The following SNX24 variants were observed in gnomAD, a reference collection of about 807,000 sequenced individuals.
The protein encoded by SNX24 is sorting nexin 24.
A neutral mutation model predicts 28.7 loss-of-function variants in SNX24; 22 were observed. The observed-to-expected ratio is 0.77, with a 90% CI of 0.55 to 1.10. SNX24 has a LOEUF of 1.10. SNX24 is among the 50% of genes least tolerant of loss of function. The probability of loss-of-function intolerance (pLI) is 0.00; values close to 1 mark genes in which losing one functional copy is unlikely to be tolerated. For missense variants in SNX24, 221 were observed against 201.1 expected (o/e 1.10, Z -0.60); for synonymous variants, 69 against 71.5 (o/e 0.96, Z 0.18).
chr5:122,917,910 C>G (rs1758251338), intron 1 of SNX24, among the ~76,000 whole-genome samples: 1 of 151,932 alleles, frequency 6.6e-6, no homozygotes, highest in Non-Finnish European at 1.5e-5. Context: ...GAAACCCCGT[C>G]TCTACTAAAA....
chr5:122,923,771 A>G (rs976294719), intron 1 of SNX24, among the ~76,000 whole-genome samples: 7 of 152,306 alleles, frequency 4.6e-5, no homozygotes, highest in African/African-American at 1.7e-4. Flanking sequence ...CCTGATGCTC[A>G]TAGAAAGGAG....
intron 3 of SNX24, among the ~76,000 whole-genome samples, chr5:122,958,016 T>C (rs1363619916): frequency 6.6e-6 from 1 of 152,184 alleles, no homozygotes; most frequent in African/African-American, 2.4e-5. Context: ...TAGCTTTATT[T>C]CTTTTTCTTG....
At chr5:122,880,744 T>C (rs1390418940) in intron 1 of SNX24, among the ~76,000 whole-genome samples, 2 of 152,102 alleles carry the variant, frequency 1.3e-5, no homozygotes. Context: ...TAGAGTACAA[T>C]AGAAGGAGTA....
At chr5:122,957,721 CA>C (rs1445838080) in intron 3 of SNX24, among the ~76,000 whole-genome samples, 5 of 152,058 alleles carry the variant, frequency 3.3e-5, no homozygotes, top group African/African-American at 1.2e-4. Context: ...TTGTAGTTTT[CA>C]TTGTATAAGT....
intron 1 of SNX24, among the ~76,000 whole-genome samples, chr5:122,848,028 C>T (rs969334705): frequency 1.3e-5 from 2 of 152,034 alleles, no homozygotes; most frequent in African/African-American, 4.8e-5. Context: ...ATTTCAGTTT[C>T]CTAAATAAGA....
At chr5:122,856,464 T>C (rs1755199067) in intron 1 of SNX24, among the ~76,000 whole-genome samples, 1 of 152,128 alleles carries the variant, frequency 6.6e-6, no homozygotes, top group Admixed American at 6.6e-5. Context: ...GGTAGAATGA[T>C]TTATTTTCTT....
chr5:122,967,431 T>C (rs1323764638), intron 3 of SNX24, among the ~76,000 whole-genome samples: 3 of 152,174 alleles, frequency 2.0e-5, no homozygotes, highest in Non-Finnish European at 4.4e-5. Context: ...GCCGATCTGA[T>C]GAGCGCCTGT....
intron 3 of SNX24, among the ~76,000 whole-genome samples, chr5:122,981,664 TTTGTTTTTG>T (rs751635637): frequency 2.1e-5 from 3 of 142,718 alleles, no homozygotes; most frequent in Non-Finnish European, 3.3e-5. Flanking sequence ...CATGTTTTGT[TTTGTTTTTG>T]TTTGTTTGTT....
chr5:123,005,076 G>A (rs1024290208), intron 6 of SNX24, among the ~76,000 whole-genome samples: 3 of 152,152 alleles, frequency 2.0e-5, no homozygotes, highest in Admixed American at 6.5e-5. Context: ...AGAGTGGAAC[G>A]GATGAGAAAA....
At position 123,008,937 on chromosome 5, in the gene SNX24, C is replaced by A. The variant is rs1039350084; in HGVS notation, c.*1188C>A. On this transcript the variant is annotated 3_prime_UTR_variant, in exon 7 of 7. Coordinates refer to ENST00000261369, the MANE Select transcript of SNX24 (RefSeq NM_014035.4). ...AATAGCTAGCCTATTTATGGTTATT[C>A]GTTTTAGTAAGTTCTGTGGGAGCAA... 4.1e-6 allele frequency: 4 copies of A among 984,970 alleles called. No individual in the cohort carries two copies. In the African/African-American group the frequency reaches 7.0e-5, roughly 17 times the overall value. The allele number at this position is 984,970 out of a possible 1,614,324, so 61.0% of individuals were successfully genotyped here.
At chr5:122,957,100 G>C (rs934614294) in intron 3 of SNX24, among the ~76,000 whole-genome samples, 5 of 152,042 alleles carry the variant, frequency 3.3e-5, no homozygotes, top group Non-Finnish European at 2.9e-5. Context: ...CAAATCCAGT[G>C]TCACAAAGCT....
chr5:123,007,502 T>G (rs1762456530), intron 6 of SNX24, among the ~76,000 whole-genome samples, 180 bp from the exon 7 acceptor site: 1 of 152,204 alleles, frequency 6.6e-6, no homozygotes, highest in Non-Finnish European at 1.5e-5. Flanking sequence ...CTCAAGTGGC[T>G]TTAGGCTGAA....
At position 122,988,553 on chromosome 5, in the gene SNX24, A is replaced by G. The variant is rs1394117509; in HGVS notation, c.250-11359A>G. On this transcript the variant is annotated intron_variant, in intron 3 of 6. Transcript: ENST00000261369. ...TGTGATTAAAAAGACCTATTAAAGTAGAATTGTATTTTTTTTCCACCAGCC... is the reference window on the plus strand; with the variant it reads ...TGTGATTAAAAAGACCTATTAAAGTGGAATTGTATTTTTTTTCCACCAGCC... Among the ~76,000 whole-genome samples the G allele has an allele frequency of 2.6e-5, 4 of 152,228 alleles. No homozygotes were observed. The East Asian group carries it at 7.7e-4, about 29-fold the overall frequency.
At chr5:122,932,060 G>A (rs925870020) in intron 1 of SNX24, among the ~76,000 whole-genome samples, 27 of 152,118 alleles carry the variant, frequency 1.8e-4, no homozygotes, top group African/African-American at 6.0e-4. Context: ...AAGAAAAAAA[G>A]TTGGCTCTGA....
chr5:123,012,590 C>T (rs759348236), downstream of SNX24, among the ~76,000 whole-genome samples: 14 of 152,098 alleles, frequency 9.2e-5, no homozygotes, highest in Non-Finnish European at 1.6e-4. Flanking sequence ...GTGATCATTG[C>T]TTAACAATGT....
chr5:122,999,235 A>G (rs1364084094), intron 3 of SNX24, among the ~76,000 whole-genome samples: 1 of 152,194 alleles, frequency 6.6e-6, no homozygotes. Flanking sequence ...AGAGCTCACT[A>G]AATGGAAGAA....
intron 1 of SNX24, among the ~76,000 whole-genome samples, chr5:122,894,642 C>G (rs1757122834): frequency 6.6e-6 from 1 of 152,118 alleles, no homozygotes; most frequent in East Asian, 1.9e-4. Flanking sequence ...AGAGAAAAGG[C>G]ATTGTCTTAG....
At chr5:122,858,606 G>A (rs1371716048) in intron 1 of SNX24, among the ~76,000 whole-genome samples, 1 of 152,176 alleles carries the variant, frequency 6.6e-6, no homozygotes, top group Non-Finnish European at 1.5e-5. Flanking sequence ...CCCATCCATA[G>A]GGACTGTGGT....
chr5:122,907,334 G>A (rs1287566594), intron 1 of SNX24, among the ~76,000 whole-genome samples: 3 of 152,130 alleles, frequency 2.0e-5, no homozygotes, highest in East Asian at 1.9e-4. Flanking sequence ...CAGATAGGAT[G>A]CAGATGGGGC....
Sources: allele counts gnomAD v4.1 joint callset (sites outside exome capture counted in the v4.1 genomes callset), GRCh38; gene constraint gnomAD v4.1.1; transcripts MANE v1.5; gene names NCBI Gene and HGNC (gene_info 2026-07-23, HGNC 2026-07-21).